Variants in LRRC8D observed in about 807,000 individuals in gnomAD.
LRRC8D encodes the protein leucine rich repeat containing 8 VRAC subunit D.
A neutral mutation model predicts 55.8 loss-of-function variants in LRRC8D; 20 were observed. That is an observed-to-expected ratio of 0.36 (90% confidence interval 0.25 to 0.52). The LOEUF is 0.52. Among genes scored for constraint, LRRC8D ranks in the 20% least tolerant of loss-of-function variants. The probability of loss-of-function intolerance (pLI) is 0.93; values close to 1 mark genes in which losing one functional copy is unlikely to be tolerated. For synonymous variants in LRRC8D, 352 were observed against 377.0 expected (o/e 0.93, Z 0.77); for missense variants, 651 against 1,030.8 (o/e 0.63, Z 5.05).
chr1:89,853,625 A>G (rs1392804103), intron 2 of LRRC8D, among the ~76,000 whole-genome samples: 1 of 152,202 alleles, frequency 6.6e-6, no homozygotes, highest in Non-Finnish European at 1.5e-5. Context: ...AGGGTGTCTA[A>G]ACCTCAGGTG....
At chr1:89,828,850 T>C (rs1398948575) in intron 1 of LRRC8D, among the ~76,000 whole-genome samples, 1 of 152,166 alleles carries the variant, frequency 6.6e-6, no homozygotes, top group Admixed American at 6.5e-5. Context: ...ATAAATCCCA[T>C]TGCTACATCT....
At chr1:89,889,729 A>T (rs930262308) in intron 2 of LRRC8D, among the ~76,000 whole-genome samples, 1 of 151,848 alleles carries the variant, frequency 6.6e-6, no homozygotes, top group African/African-American at 2.4e-5. Context: ...TAAAAATACA[A>T]AAATTTAGCC....
At chr1:89,899,379 C>T (rs527437760) in intron 2 of LRRC8D, among the ~76,000 whole-genome samples, 6 of 152,318 alleles carry the variant, frequency 3.9e-5, no homozygotes, top group East Asian at 1.9e-4. Context: ...ACTTCTAGTT[C>T]GCCAGCCATT....
At chr1:89,920,578 C>T (rs1351481361) in intron 2 of LRRC8D, among the ~76,000 whole-genome samples, 2 of 151,198 alleles carry the variant, frequency 1.3e-5, no homozygotes, top group African/African-American at 2.4e-5. Flanking sequence ...GAGGGAGTGA[C>T]ACCAGTGACT....
intron 2 of LRRC8D, among the ~76,000 whole-genome samples, chr1:89,921,931 A>G (rs1409137041): frequency 6.6e-6 from 1 of 152,166 alleles, no homozygotes; most frequent in Non-Finnish European, 1.5e-5. Context: ...TCATGAATAT[A>G]TGTTTTCTAG....
At chr1:89,854,117 A>T (rs973887118) in intron 2 of LRRC8D, among the ~76,000 whole-genome samples, 4 of 152,194 alleles carry the variant, frequency 2.6e-5, no homozygotes, top group African/African-American at 9.7e-5. Context: ...GGACAGGAGA[A>T]GACGAGGAAG....
At chr1:89,863,987 C>T (rs1454077123) in intron 2 of LRRC8D, among the ~76,000 whole-genome samples, 1 of 152,042 alleles carries the variant, frequency 6.6e-6, no homozygotes, top group African/African-American at 2.4e-5. Context: ...TATTTAAATC[C>T]GTGTTGTTAT....
intron 1 of LRRC8D, among the ~76,000 whole-genome samples, chr1:89,831,943 G>A (rs1361525602): frequency 6.6e-6 from 1 of 152,196 alleles, no homozygotes; most frequent in Non-Finnish European, 1.5e-5. Context: ...CTAGGAAAAA[G>A]ACGGTTTGGA....
Position 89,827,562 on chromosome 1 carries a change from A to G in LRRC8D, c.-148+6271A>G, listed in dbSNP as rs147776491. On this transcript the variant is annotated intron_variant, in intron 1 of 2. Transcript: ENST00000337338. The stretch of plus-strand genomic sequence containing the variant: ...GGGTCCTTGCTCATCTGTTTCTTTG[A>G]TAAAAATATTAAGATTTCTAGCACC... Among the ~76,000 whole-genome samples, 513 of 152,310 alleles carry G rather than the reference A, an allele frequency of 3.4e-3. 1 individual carries two copies. Among genetic ancestry groups the G allele is most frequent in the African/African-American group, 0.012 (492 of 41,560 alleles).
chr1:89,831,888 T>C (rs946368129), intron 1 of LRRC8D, among the ~76,000 whole-genome samples: 3 of 152,158 alleles, frequency 2.0e-5, no homozygotes, highest in African/African-American at 4.8e-5. Context: ...ATCATTTTTT[T>C]CCCCCATCCA....
intron 2 of LRRC8D, among the ~76,000 whole-genome samples, chr1:89,925,194 G>A (rs896839058): frequency 6.6e-6 from 1 of 152,104 alleles, no homozygotes; most frequent in African/African-American, 2.4e-5. Flanking sequence ...ACCCTATTGT[G>A]AACTGTGAAT....
At chr1:89,835,072 AGC>A (rs1491485636) in intron 1 of LRRC8D, among the ~76,000 whole-genome samples, 109 of 11,522 alleles carry the variant, frequency 9.5e-3, no homozygotes, top group Admixed American at 0.044. Flanking sequence ...GGCTTTCGCC[AGC>A]ACTAGGCTGC....
At chr1:89,928,009 G>T (rs1031821137) in intron 2 of LRRC8D, among the ~76,000 whole-genome samples, 3 of 152,190 alleles carry the variant, frequency 2.0e-5, no homozygotes, top group Admixed American at 2.0e-4. Flanking sequence ...AGGTGAATAA[G>T]ACATATTCTC....
chr1:89,933,288 G>T lies in LRRC8D; in HGVS notation c.220G>T (p.Glu74Ter). Reference protein sequence around the residue: ...SKAHTPPGNAEVTTNIPKMEA... With the variant: ...SKAHTPPGNA ...GGCACATACACCACCAGGAAATGCC[G>T]AGGTCACCACCAACATCCCAAAGAT... The change falls in exon 3 of 3, where the codon GAG becomes TAG. Residue 74 changes from glutamate (E) to a stop codon, truncating the protein, a stop_gained. Coordinates refer to ENST00000337338, the MANE Select transcript of LRRC8D (RefSeq NM_001134479.2). LOFTEE classifies it high-confidence loss of function. This position sits in a 1 kb window ranked among gnomAD's most constrained non-coding sequence, Gnocchi z 7.0. The T allele has an allele frequency of 6.2e-7, 1 of 1,614,016 alleles. No individual in the cohort carries two copies. Among genetic ancestry groups the T allele is most frequent in the Non-Finnish European group, 8.5e-7 (1 of 1,180,000 alleles).
chr1:89,832,148 C>G (rs572645987), intron 1 of LRRC8D, among the ~76,000 whole-genome samples: 35 of 152,190 alleles, frequency 2.3e-4, no homozygotes, highest in Non-Finnish European at 7.3e-5. Context: ...CCCAATAGTG[C>G]TCCTGTCTTT....
chr1:89,929,955 G>C (rs530059346), intron 2 of LRRC8D: 7 of 152,346 alleles, frequency 4.6e-5, no homozygotes, highest in African/African-American at 1.7e-4. Flanking sequence ...GATTCTCATA[G>C]TAGCATGAAT....
intron 1 of LRRC8D, among the ~76,000 whole-genome samples, chr1:89,831,131 C>T (rs568246717): frequency 2.2e-4 from 33 of 152,202 alleles, no homozygotes; most frequent in Non-Finnish European, 3.8e-4. Context: ...GTCTCGAACT[C>T]CTAACCTCAT....
intron 2 of LRRC8D, among the ~76,000 whole-genome samples, chr1:89,863,642 T>G (rs1408727530): frequency 7.0e-6 from 1 of 143,760 alleles, no homozygotes; most frequent in African/African-American, 2.7e-5. Flanking sequence ...CATGTGATAT[T>G]TTCTGTGGTC....
At chr1:89,907,463 TACAA>T (rs1163408121) in intron 2 of LRRC8D, among the ~76,000 whole-genome samples, 1 of 152,148 alleles carries the variant, frequency 6.6e-6, no homozygotes, top group Non-Finnish European at 1.5e-5. Flanking sequence ...GTGCTGGGAT[TACAA>T]GTGCGAGCCA....
Sources: gnomAD v4.1 joint callset for allele counts (sites outside exome capture counted in the v4.1 genomes callset) on GRCh38, gnomAD v4.1.1 for gene constraint, Gnocchi (gnomAD v3.1) non-coding constraint, MANE v1.5 for transcripts, NCBI Gene and HGNC (gene_info 2026-07-23, HGNC 2026-07-21) for gene names.